Variants in PLXNC1 observed in about 807,000 individuals in gnomAD.
The protein encoded by PLXNC1 is plexin-C1.
PLXNC1 carries 75 observed loss-of-function variants against 178.2 expected under a neutral mutation model. That is an observed-to-expected ratio of 0.42 (90% CI 0.35 to 0.51). The LOEUF is 0.51. Among genes scored for constraint, PLXNC1 ranks in the 20% least tolerant of loss-of-function variants. The probability of loss-of-function intolerance (pLI) is 0.02; values close to 1 mark genes in which losing one functional copy is unlikely to be tolerated. For synonymous variants in PLXNC1, 790 were observed against 779.9 expected, an observed-to-expected ratio of 1.01 and a Z score of -0.22; for missense variants, 1,503 against 1,984.4, an observed-to-expected ratio of 0.76 and a Z score of 4.61.
At chr12:94,280,448 G>A (rs866329698) in intron 22 of PLXNC1, among the ~76,000 whole-genome samples, 6 of 152,110 alleles carry the variant, frequency 3.9e-5, no homozygotes, top group African/African-American at 1.2e-4. Flanking sequence ...CCTCCCACTC[G>A]GCCCTCCCAG....
intron 17 of PLXNC1, among the ~76,000 whole-genome samples, chr12:94,259,034 C>G (rs1486557136): frequency 6.6e-6 from 1 of 152,146 alleles, no homozygotes; most frequent in Non-Finnish European, 1.5e-5. Flanking sequence ...ATCAATGACC[C>G]CTTCTTTAAC....
At chr12:94,223,955 TA>T (rs1963866785) in intron 6 of PLXNC1, among the ~76,000 whole-genome samples, 1 of 152,164 alleles carries the variant, frequency 6.6e-6, no homozygotes, top group Non-Finnish European at 1.5e-5. Context: ...AAATGAGCTG[TA>T]AAATGGCTTC....
chr12:94,159,979 G>C (rs1961317828), intron 1 of PLXNC1, among the ~76,000 whole-genome samples: 1 of 152,226 alleles, frequency 6.6e-6, no homozygotes, highest in South Asian at 2.1e-4. Context: ...AGGTTTTTAA[G>C]ACGTGGAGGA....
chr12:94,235,198 CA>C (rs891898596), intron 9 of PLXNC1, among the ~76,000 whole-genome samples: 5 of 151,956 alleles, frequency 3.3e-5, no homozygotes, highest in African/African-American at 4.8e-5. Flanking sequence ...CCTCTCTAAA[CA>C]ATAGGGGTTT....
At position 94,182,417 on chromosome 12, in the gene PLXNC1, C is replaced by CA. The variant is rs10596280; in HGVS notation, c.1338+863dup. Among the ~76,000 whole-genome samples the CA allele has an allele frequency of 6.7e-4, 29 of 43,398 alleles. 1 individual carries two copies. Among genetic ancestry groups the CA allele is most frequent in the Admixed American group, 1.9e-3 (5 of 2,658 alleles). The allele number at this position is 43,398 out of a possible 152,430, so 28.5% of individuals were successfully genotyped here. On this transcript the variant is annotated intron_variant, in intron 3 of 30. Coordinates refer to ENST00000258526, the MANE Select transcript of PLXNC1 (RefSeq NM_005761.3). ...TGGGTGATGGAGCAAGACCCTGTCTCAAAAAAAAAAAAAAAAAAAAAAAAA... is the reference window on the plus strand; with the variant it reads ...TGGGTGATGGAGCAAGACCCTGTCTCAAAAAAAAAAAAAAAAAAAAAAAAAA...
At chr12:94,255,383 T>TC in intron 17 of PLXNC1, 87 bp downstream of exon 17, 4 of 913,538 alleles carry the variant, frequency 4.4e-6, no homozygotes, top group Non-Finnish European at 5.5e-6. Flanking sequence ...AGTGTTTGCT[T>TC]CCAAGGCAGC....
intron 1 of PLXNC1, among the ~76,000 whole-genome samples, chr12:94,159,901 C>T (rs926712676): frequency 6.6e-6 from 1 of 152,044 alleles, no homozygotes; most frequent in Non-Finnish European, 1.5e-5. Context: ...AATCATTCAA[C>T]TGAGGGACGT....
chr12:94,222,365 T>C (rs73364701), intron 6 of PLXNC1, among the ~76,000 whole-genome samples: 2,111 of 152,304 alleles, frequency 0.014, 53 homozygotes, highest in African/African-American at 0.048. Context: ...CAAGCCTTTA[T>C]CCATGGCCTT....
At position 94,260,509 on chromosome 12, in the gene PLXNC1, TAAAAAAAA is replaced by T; in HGVS notation, c.3252-122_3252-115del. The T allele has an allele frequency of 8.2e-6, 4 of 485,072 alleles. No individual in the cohort carries two copies. The highest frequency in any genetic ancestry group is 1.4e-5 in the Non-Finnish European group (4 of 284,776). 30.0% of individuals were successfully genotyped at this position (485,072 alleles called of 1,614,324 possible). On this transcript the variant is annotated intron_variant, in intron 19 of 30. Coordinates refer to ENST00000258526, the MANE Select transcript of PLXNC1 (RefSeq NM_005761.3). This position sits in a 1 kb window ranked among gnomAD's most constrained non-coding sequence, Gnocchi z 4.4. ...ATAGAAGTGGTTAGAATCTAAACATTAAAAAAAAAAAAAAAAAAGCTCCCAACCCAACA... is the reference window on the plus strand; with the variant it reads ...ATAGAAGTGGTTAGAATCTAAACATTAAAAAAAAAAGCTCCCAACCCAACA...
chr12:94,301,095 A>T (rs1968418650), intron 28 of PLXNC1, 38 bp downstream of exon 28: 1 of 1,593,998 alleles, frequency 6.3e-7, no homozygotes, highest in South Asian at 1.1e-5. Context: ...ATGCAGTCTT[A>T]TGAGTTTGAC....
intron 9 of PLXNC1, among the ~76,000 whole-genome samples, chr12:94,232,845 A>G (rs1964140794): frequency 6.6e-6 from 1 of 152,190 alleles, no homozygotes; most frequent in African/African-American, 2.4e-5. Context: ...CATTTTATAG[A>G]TAAGGAAATT....
chr12:94,255,810 G>T, intron 17 of PLXNC1: 1 of 159,426 alleles, frequency 6.3e-6, no homozygotes, highest in South Asian at 1.8e-4. Context: ...GAGTTCTTAT[G>T]GTTCTCTTTG....
chr12:94,236,170 G>A (rs1412399373), intron 9 of PLXNC1, among the ~76,000 whole-genome samples: 1 of 152,150 alleles, frequency 6.6e-6, no homozygotes, highest in Non-Finnish European at 1.5e-5. Flanking sequence ...CAGGGCTAAC[G>A]TCCTTCACAA....
chr12:94,163,309 G>C (rs922547356), intron 1 of PLXNC1, among the ~76,000 whole-genome samples: 1 of 152,078 alleles, frequency 6.6e-6, no homozygotes, highest in Non-Finnish European at 1.5e-5. Flanking sequence ...CGTGAGCCGA[G>C]ATCGTGCCAC....
chr12:94,220,547 A>G (rs780740852), intron 6 of PLXNC1, among the ~76,000 whole-genome samples: 1 of 152,214 alleles, frequency 6.6e-6, no homozygotes, highest in Non-Finnish European at 1.5e-5. Flanking sequence ...TTGCATTCAT[A>G]CATCCATCCA....
At chr12:94,191,841 A>T (rs1311181758) in intron 4 of PLXNC1, among the ~76,000 whole-genome samples, 1 of 152,076 alleles carries the variant, frequency 6.6e-6, no homozygotes, top group East Asian at 1.9e-4. Context: ...AGCTCTAAAA[A>T]GTCTAGTATT....
At chr12:94,176,345 G>A (rs1221728378) in intron 2 of PLXNC1, 3 of 152,134 alleles carry the variant, frequency 2.0e-5, no homozygotes, top group African/African-American at 7.2e-5. Flanking sequence ...TGTGGGCTGG[G>A]GCTCGGGCTA....
intron 2 of PLXNC1, among the ~76,000 whole-genome samples, chr12:94,169,988 C>T (rs1302947747): frequency 6.6e-6 from 1 of 152,206 alleles, no homozygotes; most frequent in Non-Finnish European, 1.5e-5. Flanking sequence ...ATCTAGCGTT[C>T]ATCTTATCAA....
At position 94,171,651 on chromosome 12, in the gene PLXNC1, C is replaced by T. The variant is rs796620523; in HGVS notation, c.1203+2358C>T. Among the ~76,000 whole-genome samples the T allele has an allele frequency of 5.9e-4, 90 of 152,252 alleles. 1 individual carries two copies. The highest frequency in any genetic ancestry group is 1.9e-3 in the African/African-American group (79 of 41,562). ...CATTGGTACTACTCTCTGAGGATTC[C>T]GGGGGCACATGGGAGACATGCAGAT... On this transcript the variant is annotated intron_variant, in intron 2 of 30. Coordinates refer to ENST00000258526, the MANE Select transcript of PLXNC1 (RefSeq NM_005761.3).
Sources: allele counts gnomAD v4.1 joint callset (sites outside exome capture counted in the v4.1 genomes callset), GRCh38; gene constraint gnomAD v4.1.1; non-coding constraint Gnocchi (gnomAD v3.1); transcripts MANE v1.5; gene names NCBI Gene and HGNC (gene_info 2026-07-23, HGNC 2026-07-21).